THSD4: variants seen among roughly 807,000 people sequenced by gnomAD.
The protein encoded by THSD4 is thrombospondin type-1 domain-containing protein 4.
THSD4 carries 69 observed loss-of-function variants against 119.0 expected under a neutral mutation model. That is an observed-to-expected ratio of 0.58 (90% CI 0.48 to 0.71). The LOEUF is 0.71. THSD4 is among the 30% of genes least tolerant of loss of function. THSD4 has a pLI of 0.00. For missense variants in THSD4, 1,393 were observed against 1,391.1 expected (o/e 1.00, Z -0.02); for synonymous variants, 524 against 540.4 (o/e 0.97, Z 0.42).
At chr15:71,462,435 G>A (rs1482551351) in intron 7 of THSD4, among the ~76,000 whole-genome samples, 3 of 152,194 alleles carry the variant, frequency 2.0e-5, no homozygotes, top group African/African-American at 4.8e-5. Context: ...TTGCAGGCAT[G>A]AGCCACCATG....
chr15:71,296,662 G>A (rs1464966307), intron 6 of THSD4, among the ~76,000 whole-genome samples: 2 of 152,132 alleles, frequency 1.3e-5, no homozygotes, highest in Non-Finnish European at 2.9e-5. Flanking sequence ...CTGGCTTCAT[G>A]GACATAAAAT....
At chr15:71,223,564 C>T (rs2043992022) in intron 4 of THSD4, among the ~76,000 whole-genome samples, 1 of 152,144 alleles carries the variant, frequency 6.6e-6, no homozygotes, top group Admixed American at 6.5e-5. Flanking sequence ...ATAGACATTG[C>T]CTTGTTTAAA....
At chr15:71,441,533 C>T (rs1312398776) in intron 7 of THSD4, among the ~76,000 whole-genome samples, 1 of 147,696 alleles carries the variant, frequency 6.8e-6, no homozygotes, top group Non-Finnish European at 1.5e-5. Context: ...GTAGCTGGGA[C>T]TACAGGTGTG....
At chr15:71,451,744 C>T (rs2047268521) in intron 7 of THSD4, among the ~76,000 whole-genome samples, 2 of 152,194 alleles carry the variant, frequency 1.3e-5, no homozygotes, top group South Asian at 2.1e-4. Flanking sequence ...CTCCCTCCTT[C>T]TCCAGGTCCC....
chr15:71,579,281 A>T (rs2049514954), intron 7 of THSD4, among the ~76,000 whole-genome samples: 1 of 152,184 alleles, frequency 6.6e-6, no homozygotes. Context: ...TCATGGTTGT[A>T]CAGTAGCTAT....
chr15:71,165,338 A>G lies in THSD4; in HGVS notation c.99+10406A>G. ...CTGAAGCATCTGGGTGCTTCTTCTT[A>G]TGCTCCTCCCGACGTTTGCACAAAA... is the stretch of plus-strand genomic sequence containing the variant. On this transcript the variant is annotated intron_variant, in intron 3 of 17. Coordinates refer to ENST00000261862, the MANE Select transcript of THSD4 (RefSeq NM_024817.3). 4.5e-6 allele frequency: 7 copies of G among 1,560,962 alleles called. No homozygotes were observed. The South Asian group carries it at 5.6e-5, about 12-fold the overall frequency.
chr15:71,318,252 A>G (rs980943592), intron 6 of THSD4, among the ~76,000 whole-genome samples: 2 of 152,200 alleles, frequency 1.3e-5, no homozygotes, highest in Non-Finnish European at 2.9e-5. Flanking sequence ...TGAGCCTCCA[A>G]AGTCACCACA....
intron 7 of THSD4, among the ~76,000 whole-genome samples, chr15:71,568,004 T>C (rs912236409): frequency 2.4e-4 from 37 of 152,286 alleles, no homozygotes; most frequent in Non-Finnish European, 5.0e-4. Flanking sequence ...TGTATACTTA[T>C]TATTATCCTG....
intron 7 of THSD4, among the ~76,000 whole-genome samples, chr15:71,656,353 A>G (rs1048520612): frequency 6.6e-6 from 1 of 152,214 alleles, no homozygotes; most frequent in Non-Finnish European, 1.5e-5. Flanking sequence ...TAAACTTCTT[A>G]TGAGTCTTAC....
chr15:71,555,992 A>G (rs556862777), intron 7 of THSD4, among the ~76,000 whole-genome samples: 5 of 152,106 alleles, frequency 3.3e-5, no homozygotes, highest in African/African-American at 1.2e-4. Context: ...TGGCCTCTGT[A>G]TTTGCTCCAT....
chr15:71,344,476 G>C (rs1026202322), intron 6 of THSD4, among the ~76,000 whole-genome samples: 1 of 152,086 alleles, frequency 6.6e-6, no homozygotes, highest in African/African-American at 2.4e-5. Flanking sequence ...CCACCTTATG[G>C]AGCATTGACG....
chr15:71,387,436 TTTC>T (rs2046309582), intron 6 of THSD4, among the ~76,000 whole-genome samples: 1 of 152,160 alleles, frequency 6.6e-6, no homozygotes, highest in African/African-American at 2.4e-5. Flanking sequence ...TATAATTTGT[TTTC>T]CTTCCCTAGA....
chr15:71,459,406 G>GTC lies in THSD4; in HGVS notation c.1152+47600_1152+47601dup, dbSNP rs1234322245. Among the ~76,000 whole-genome samples, 271 of 66,362 alleles carry GTC rather than the reference G, an allele frequency of 4.1e-3. 2 individuals carry two copies. Among genetic ancestry groups the GTC allele is most frequent in the African/African-American group, 7.9e-3 (209 of 26,320 alleles). The allele number at this position is 66,362 out of a possible 152,430, so 43.5% of individuals were successfully genotyped here. A position where few individuals can be genotyped will look rare whatever the true frequency, so the allele number is the denominator to read the frequency against. On this transcript the variant is annotated intron_variant, in intron 7 of 17. Transcript: ENST00000261862. ...TCTCTCTCTCTCTCTCTCTCTCTCT[G>GTC]TCTCTCTCTCTCTCTCTCGTCAACA...
intron 7 of THSD4, among the ~76,000 whole-genome samples, chr15:71,616,650 C>G (rs1041586438): frequency 4.6e-5 from 7 of 152,200 alleles, no homozygotes; most frequent in Admixed American, 2.0e-4. Flanking sequence ...TGAATTCAAT[C>G]CACTGTGAGG....
chr15:71,685,770 C>T (rs996067394), intron 8 of THSD4, among the ~76,000 whole-genome samples: 1 of 151,990 alleles, frequency 6.6e-6, no homozygotes, highest in Non-Finnish European at 1.5e-5. Context: ...AGGTTAGTTG[C>T]AATGGGAAAT....
chr15:71,615,147 AT>A (rs1381821890), intron 7 of THSD4, among the ~76,000 whole-genome samples: 1 of 152,244 alleles, frequency 6.6e-6, no homozygotes, highest in African/African-American at 2.4e-5. Context: ...CAATTGGCCA[AT>A]TTTTTTATAG....
Position 71,215,171 on chromosome 15 carries a change from C to T in THSD4, c.236C>T (p.Pro79Leu). 7.3e-7 allele frequency: 1 copy of T among 1,368,008 alleles called. No homozygotes were observed. The highest frequency in any genetic ancestry group is 9.4e-7 in the Non-Finnish European group (1 of 1,060,698). The allele number at this position is 1,368,008 out of a possible 1,614,324, so 84.7% of individuals were successfully genotyped here. A position where few individuals can be genotyped will look rare whatever the true frequency, so the allele number is the denominator to read the frequency against. ...GGCGGCGTGATGGAGCAGACGCGGC[C>T]CTGCCTGCCCCGCTCCTACCGCCTG... is the stretch of plus-strand genomic sequence containing the variant. ...CSGGVMEQTR[P>L]CLPRSYRLRG... Residue 79 changes from proline (P) to leucine (L), a missense_variant, in exon 4 of 18, where the codon CCC (proline) becomes CTC (leucine). Transcript: ENST00000261862.
chr15:71,182,820 T>C (rs886305407), intron 3 of THSD4, among the ~76,000 whole-genome samples: 2 of 151,816 alleles, frequency 1.3e-5, no homozygotes, highest in African/African-American at 2.4e-5. Flanking sequence ...ATGTCAGCTG[T>C]CTTCCTTCCC....
At chr15:71,488,923 G>A (rs2047867730) in intron 7 of THSD4, among the ~76,000 whole-genome samples, 1 of 152,062 alleles carries the variant, frequency 6.6e-6, no homozygotes, top group Non-Finnish European at 1.5e-5. Context: ...AATTCCTTAT[G>A]CTTCTCTTCA....
Sources: gnomAD v4.1 joint callset for allele counts (sites outside exome capture counted in the v4.1 genomes callset) on GRCh38, gnomAD v4.1.1 for gene constraint, MANE v1.5 for transcripts, NCBI Gene and HGNC (gene_info 2026-07-23, HGNC 2026-07-21) for gene names.